Variants in CCDC88C observed in about 807,000 individuals in gnomAD.
CCDC88C encodes protein Daple.
CCDC88C carries 131 observed loss-of-function variants against 198.8 expected under a neutral mutation model. That is an observed-to-expected ratio of 0.66 (90% CI 0.57 to 0.76). The LOEUF (loss-of-function observed/expected upper bound fraction) is 0.76, where lower values mean the gene tolerates loss of function less well. CCDC88C is among the 30% of genes least tolerant of loss of function. CCDC88C has a pLI of 0.00. For synonymous variants in CCDC88C, 1,166 were observed against 1,114.7 expected, an observed-to-expected ratio of 1.05 and a Z score of -0.92; for missense variants, 2,553 against 2,631.6, an observed-to-expected ratio of 0.97 and a Z score of 0.65.
At chr14:91,278,490 T>C (rs1275799403) in intron 28 of CCDC88C, among the ~76,000 whole-genome samples, 1 of 152,246 alleles carries the variant, frequency 6.6e-6, no homozygotes, top group Non-Finnish European at 1.5e-5. Context: ...CGCTCGCTCA[T>C]GCACGTATTC....
At chr14:91,408,855 C>G (rs1886650487) in intron 2 of CCDC88C, 88 bp from the exon 3 acceptor site, 1 of 829,254 alleles carries the variant, frequency 1.2e-6, no homozygotes, top group Non-Finnish European at 2.0e-6. Context: ...TCTTGTCCTC[C>G]AGTCCCTAGG....
At position 91,371,379 on chromosome 14, in the gene CCDC88C, G is replaced by A. The variant is rs964784818; in HGVS notation, c.271-11668C>T. On this transcript the variant is annotated intron_variant, in intron 3 of 29. Coordinates refer to ENST00000389857, the MANE Select transcript of CCDC88C (RefSeq NM_001080414.4). This position sits in a 1 kb window ranked among gnomAD's most constrained non-coding sequence, Gnocchi z 4.2. ...GAAACTACGGTATGCATGCAGGGTG[G>A]GCTGGGACAGGCATGACCCCCCCAG... Among the ~76,000 whole-genome samples the A allele has an allele frequency of 1.3e-5, 2 of 151,320 alleles. No homozygotes were observed. Among genetic ancestry groups the A allele is most frequent in the African/African-American group, 2.5e-5 (1 of 40,636 alleles).
chr14:91,293,490 CCA>C (rs1890818845), intron 23 of CCDC88C, among the ~76,000 whole-genome samples: 16 of 125,080 alleles, frequency 1.3e-4, no homozygotes, highest in South Asian at 2.4e-4. Context: ...GCTCACCTTC[CCA>C]TCCTCACCTG....
At chr14:91,358,612 A>T (rs1392349827) in intron 4 of CCDC88C, among the ~76,000 whole-genome samples, 2 of 152,256 alleles carry the variant, frequency 1.3e-5, no homozygotes, top group Non-Finnish European at 2.9e-5. Flanking sequence ...TGACAGGCAG[A>T]GATTAAGTTC....
At chr14:91,351,595 C>T (rs895983330) in intron 4 of CCDC88C, among the ~76,000 whole-genome samples, 9 of 152,148 alleles carry the variant, frequency 5.9e-5, no homozygotes, top group South Asian at 2.1e-4. Flanking sequence ...TTCTGGGGAG[C>T]GGCCCCTGTG....
At chr14:91,365,380 G>C (rs773981338) in intron 3 of CCDC88C, among the ~76,000 whole-genome samples, 1 of 152,184 alleles carries the variant, frequency 6.6e-6, no homozygotes, top group East Asian at 1.9e-4. Context: ...CTCCACCTAC[G>C]GTGGCCCCTC....
In CCDC88C at chr14:91,273,637, C is replaced by T. The variant is rs759225705; in HGVS notation, c.5075G>A (p.Arg1692Gln). Residue 1692 changes from arginine (R) to glutamine (Q), a missense_variant, in exon 30 of 30, where the codon CGG becomes CAG. This residue lies in a region of CCDC88C where 1,293 missense variants were observed against 1,219.6 expected (regional missense o/e 1.06). Transcript: ENST00000389857. The surrounding 1 kb of genome is among the most constrained non-coding windows in gnomAD (Gnocchi z 5.6). ...GAAGTAGTCACTCAGCAGGTCATCC[C>T]GGCAACTGGGAGTGTCCTACGGAGA... ...SSPTHDTPSCRDDLLSDYFRK... is the reference protein window; with the variant it reads ...SSPTHDTPSCQDDLLSDYFRK... 8.8e-6 allele frequency: 13 copies of T among 1,477,636 alleles called. No homozygotes were observed. The highest frequency in any genetic ancestry group is 2.5e-5 in the Admixed American group (1 of 40,684). The allele number at this position is 1,477,636 out of a possible 1,614,324, so 91.5% of individuals were successfully genotyped here.
chr14:91,280,617 G>A (rs1417757503), intron 27 of CCDC88C, among the ~76,000 whole-genome samples: 1 of 152,172 alleles, frequency 6.6e-6, no homozygotes, highest in Non-Finnish European at 1.5e-5. Flanking sequence ...GAAGCTAGAG[G>A]AAACAGAACA....
At chr14:91,279,662 G>A (rs558160849) in intron 27 of CCDC88C, 6 of 195,298 alleles carry the variant, frequency 3.1e-5, no homozygotes, top group East Asian at 1.3e-4. Flanking sequence ...TTGAGGTTGC[G>A]GGGGGCCCTC....
At chr14:91,281,598 C>A in intron 26 of CCDC88C, 73 bp from the exon 27 acceptor site, 1 of 1,364,744 alleles carries the variant, frequency 7.3e-7, no homozygotes, top group Non-Finnish European at 1.0e-6. Flanking sequence ...CGCCACCTCG[C>A]CTGGCACCCG....
At chr14:91,382,710 T>C (rs529909479) in intron 3 of CCDC88C, among the ~76,000 whole-genome samples, 1 of 152,282 alleles carries the variant, frequency 6.6e-6, no homozygotes, top group South Asian at 2.1e-4. Context: ...CCTGGCCTCC[T>C]ACAGAAAATT....
intron 10 of CCDC88C, among the ~76,000 whole-genome samples, chr14:91,326,606 A>G (rs1892595928): frequency 6.6e-6 from 1 of 152,216 alleles, no homozygotes; most frequent in Non-Finnish European, 1.5e-5. Flanking sequence ...GAATAGTGCC[A>G]AGGCTTTGAC....
chr14:91,394,322 C>A (rs1378660336), intron 3 of CCDC88C, among the ~76,000 whole-genome samples: 1 of 152,202 alleles, frequency 6.6e-6, no homozygotes, highest in Non-Finnish European at 1.5e-5. Context: ...CACTGCATTG[C>A]ACCTCCATAC....
intron 4 of CCDC88C, among the ~76,000 whole-genome samples, chr14:91,351,287 G>C (rs1893779103): frequency 6.6e-6 from 1 of 152,158 alleles, no homozygotes; most frequent in Admixed American, 6.5e-5. Flanking sequence ...TGCTCACGAG[G>C]CTGTCACAGT....
intron 18 of CCDC88C, among the ~76,000 whole-genome samples, chr14:91,306,761 G>A (rs1042205339): frequency 3.9e-5 from 6 of 152,178 alleles, no homozygotes; most frequent in Non-Finnish European, 7.4e-5. Context: ...GTGGGGGCTG[G>A]AGTTTCCCAA....
chr14:91,304,699 G>A (rs1567063235), intron 19 of CCDC88C, among the ~76,000 whole-genome samples: 5 of 152,124 alleles, frequency 3.3e-5, no homozygotes, highest in Non-Finnish European at 2.9e-5. Context: ...ATTGATATTT[G>A]TATACCTCTC....
rs1333676647 is a variant in CCDC88C, at chr14:91,279,325, G to A, written c.4700-19C>T. 2 of 1,579,902 alleles carry A rather than the reference G, an allele frequency of 1.3e-6. No homozygotes were observed. The highest frequency in any genetic ancestry group is 1.7e-6 in the Non-Finnish European group (2 of 1,160,616). ...CGCGACACTGAAAGGAAATGGCAGT[G>A]TTAAAATTAAAAAGCCAATGACCAG... is the stretch of plus-strand genomic sequence containing the variant. On this transcript the variant is annotated intron_variant, in intron 27 of 29. Transcript: ENST00000389857.
chr14:91,321,452 C>T, intron 12 of CCDC88C, 148 bp from the exon 13 acceptor site: 1 of 794,572 alleles, frequency 1.3e-6, no homozygotes, highest in Non-Finnish European at 2.0e-6. Flanking sequence ...GACCCTTCCT[C>T]CTGCCCCTCC....
rs1889850934 is a variant in CCDC88C at position 91,273,923 on chromosome 14, G to A, written c.5059-270C>T. Among the ~76,000 whole-genome samples the A allele has an allele frequency of 6.6e-6, 1 of 152,134 alleles. No individual in the cohort carries two copies. The highest frequency in any genetic ancestry group is 2.4e-5 in the African/African-American group (1 of 41,424). On this transcript the variant is annotated intron_variant, in intron 29 of 29. Transcript: ENST00000389857. The surrounding 1 kb of genome is among the most constrained non-coding windows in gnomAD (Gnocchi z 5.6). ...CTTTACAGATAAGGAAACAGACCCA[G>A]AGAGGGAAATGACTTCCTACAAAGT...
Sources: gnomAD v4.1 joint callset for allele counts (sites outside exome capture counted in the v4.1 genomes callset) on GRCh38, gnomAD v4.1.1 for gene constraint, gnomAD v4.1.1 regional missense constraint, Gnocchi (gnomAD v3.1) non-coding constraint, MANE v1.5 for transcripts, NCBI Gene and HGNC (gene_info 2026-07-23, HGNC 2026-07-21) for gene names.